CDC123: variants seen among roughly 807,000 people sequenced by gnomAD.
CDC123 encodes cell division cycle 123.
Under a neutral mutation model 54.4 loss-of-function variants are expected in CDC123, and 37 were observed. The observed-to-expected ratio is 0.68, with a 90% CI of 0.52 to 0.89. CDC123 has a LOEUF of 0.89. Ranked by LOEUF, CDC123 falls within the 40% of genes least tolerant of loss-of-function variation. The pLI is 0.00. For missense variants in CDC123, 361 were observed against 412.1 expected (o/e 0.88, Z 1.07); for synonymous variants, 144 against 136.8 (o/e 1.05, Z -0.37).
chr10:12,247,065 CCTCT>C (rs1228903614), intron 11 of CDC123: 1 of 128,948 alleles, frequency 7.8e-6, no homozygotes, highest in African/African-American at 2.9e-5. Flanking sequence ...ACTGTGTCCT[CCTCT>C]CTCTCACCTC....
rs1255500536 is a variant in CDC123, at chr10:12,221,500, TTC to T, written c.440+4034_440+4035del. On this transcript the variant is annotated intron_variant, in intron 6 of 12. Transcript: ENST00000281141. ...CATTCCTGGAGGCCTCCTGGGAGAC[TTC>T]CTCTCAGCCCTCATTGGTCACAGTT... is the stretch of plus-strand genomic sequence containing the variant. Among the ~76,000 whole-genome samples, 3 of 152,302 alleles carry T rather than the reference TTC, an allele frequency of 2.0e-5. No individual in the cohort carries two copies. In the East Asian group the frequency reaches 5.8e-4, roughly 29 times the overall value.
intron 6 of CDC123, among the ~76,000 whole-genome samples, chr10:12,224,000 T>G (rs1379048532): frequency 6.6e-6 from 1 of 152,124 alleles, no homozygotes; most frequent in Non-Finnish European, 1.5e-5. Flanking sequence ...GTGTAGTCTT[T>G]TATCCCTCGC....
intron 2 of CDC123, among the ~76,000 whole-genome samples, chr10:12,208,408 G>A (rs1835549328): frequency 6.6e-6 from 1 of 152,118 alleles, no homozygotes; most frequent in Non-Finnish European, 1.5e-5. Context: ...GACTATTTGG[G>A]GCCAATGGTG....
At chr10:12,217,306 A>C (rs1835675503) in intron 5 of CDC123, 55 bp from the exon 6 acceptor site, 26 of 1,554,558 alleles carry the variant, frequency 1.7e-5, no homozygotes, top group Non-Finnish European at 2.1e-5. Context: ...AGGCCTGAGC[A>C]TTCATAGCAG....
chr10:12,236,491 C>T (rs543444690), intron 8 of CDC123, among the ~76,000 whole-genome samples: 18 of 151,660 alleles, frequency 1.2e-4, no homozygotes, highest in Non-Finnish European at 2.1e-4. Flanking sequence ...CCCGGCTACT[C>T]GGGAGACTGA....
At chr10:12,214,639 T>A (rs1312589482) in intron 4 of CDC123, among the ~76,000 whole-genome samples, 2 of 152,226 alleles carry the variant, frequency 1.3e-5, no homozygotes, top group African/African-American at 4.8e-5. Context: ...TTTTGGGGGA[T>A]ATATGACCAT....
chr10:12,231,625 C>CAA lies in CDC123; in HGVS notation c.489+647_489+648dup, dbSNP rs368800002. On this transcript the variant is annotated intron_variant, in intron 7 of 12. Coordinates refer to ENST00000281141, the MANE Select transcript of CDC123 (RefSeq NM_006023.3). The stretch of plus-strand genomic sequence containing the variant: ...GGGCCACAAAAGTGAAACTCCGTCT[C>CAA]AAAAAAAAAAAAAAAAAAAGAATAA... Among the ~76,000 whole-genome samples the CAA allele has an allele frequency of 1.9e-3, 148 of 77,124 alleles. 1 individual carries two copies. The highest frequency in any genetic ancestry group is 0.016 in the Middle Eastern group (2 of 126). The allele number at this position is 77,124 out of a possible 152,430, so 50.6% of individuals were successfully genotyped here. A position where few individuals can be genotyped will look rare whatever the true frequency, so the allele number is the denominator to read the frequency against.
At chr10:12,244,347 G>A (rs1836099393) in intron 10 of CDC123, among the ~76,000 whole-genome samples, 1 of 152,250 alleles carries the variant, frequency 6.6e-6, no homozygotes, top group African/African-American at 2.4e-5. Context: ...AGTGAGAAAA[G>A]TGAAAAGGAG....
In CDC123 at chr10:12,250,291, C is replaced by T. The variant is rs1258319807; in HGVS notation, c.985-20C>T. 6.5e-7 allele frequency: 1 copy of T among 1,534,966 alleles called. No individual in the cohort carries two copies. The highest frequency in any genetic ancestry group is 8.9e-7 in the Non-Finnish European group (1 of 1,118,672). ...AAGGAGCATGTGCTATTTTAACATC[C>T]CCTTGGTTTTCTTTGACAGAAGAGA... On this transcript the variant is annotated intron_variant, in intron 12 of 12. Transcript: ENST00000281141.
chr10:12,231,894 G>C (rs1471837321), intron 7 of CDC123, among the ~76,000 whole-genome samples: 1 of 151,892 alleles, frequency 6.6e-6, no homozygotes, highest in Non-Finnish European at 1.5e-5. Context: ...TGCCCAGGCT[G>C]GAATGCAGTG....
chr10:12,207,245 T>G (rs1184673606), intron 2 of CDC123, among the ~76,000 whole-genome samples: 3 of 152,126 alleles, frequency 2.0e-5, no homozygotes, highest in Non-Finnish European at 2.9e-5. Context: ...TGTTCTACTT[T>G]GTAGGTAATT....
At chr10:12,215,598 C>A in intron 4 of CDC123, 142 bp from the exon 5 acceptor site, 1 of 442,858 alleles carries the variant, frequency 2.3e-6, no homozygotes, top group Non-Finnish European at 4.1e-6. Flanking sequence ...TTTTATTTAG[C>A]TGGGTTCAGA....
chr10:12,228,161 C>A (rs1034665233), intron 6 of CDC123, among the ~76,000 whole-genome samples: 2 of 151,962 alleles, frequency 1.3e-5, no homozygotes, highest in Non-Finnish European at 2.9e-5. Flanking sequence ...TCTCAAACTC[C>A]TGGCTTTAGG....
chr10:12,214,898 A>C (rs1835644024), intron 4 of CDC123, among the ~76,000 whole-genome samples: 1 of 152,142 alleles, frequency 6.6e-6, no homozygotes, highest in African/African-American at 2.4e-5. Context: ...AATGAAAATT[A>C]ATGACTGCGT....
At chr10:12,223,062 T>C (rs927216802) in intron 6 of CDC123, among the ~76,000 whole-genome samples, 1 of 149,470 alleles carries the variant, frequency 6.7e-6, no homozygotes. Context: ...TGGCTAATTT[T>C]TTTTTGTATT....
chr10:12,213,195 T>G (rs1385705402), intron 4 of CDC123, among the ~76,000 whole-genome samples: 1 of 152,212 alleles, frequency 6.6e-6, no homozygotes, highest in Non-Finnish European at 1.5e-5. Context: ...CCCAAATTAC[T>G]TACTGTTTGC....
Position 12,235,048 on chromosome 10 carries a change from C to G in CDC123, c.490C>G (p.Leu164Val). Residue 164 changes from leucine to valine, a missense_variant and splice_region_variant, in exon 8 of 13, where the codon CTC becomes GTC. Leu to Val is a conservative substitution (Grantham distance 32). Transcript: ENST00000281141. Reference sequence around the variant, plus strand: ...TAAATATTTTTTCTTTTGTTTACAGCTCGTTCTCCGAAAATGGTGTGAATT... The same window carrying G: ...TAAATATTTTTTCTTTTGTTTACAGGTCGTTCTCCGAAAATGGTGTGAATT... Reference protein sequence around the residue: ...DSPDPCIEYELVLRKWCELIP... With the variant: ...DSPDPCIEYEVVLRKWCELIP... The G allele has an allele frequency of 6.2e-7, 1 of 1,612,928 alleles. No homozygotes were observed. The highest frequency in any genetic ancestry group is 2.2e-5 in the East Asian group (1 of 44,872).
chr10:12,209,900 C>G (rs1276794974), intron 2 of CDC123, 67 bp from the exon 3 acceptor site: 1 of 1,443,646 alleles, frequency 6.9e-7, no homozygotes, highest in Non-Finnish European at 9.8e-7. Context: ...TACTCAGTAC[C>G]CCTGAAATTA....
intron 4 of CDC123, among the ~76,000 whole-genome samples, chr10:12,210,740 G>A (rs769272181): frequency 2.6e-5 from 4 of 152,006 alleles, no homozygotes; most frequent in African/African-American, 4.8e-5. Flanking sequence ...TTGCTCTGTC[G>A]CCCAGGCAGG....
Sources: allele counts gnomAD v4.1 joint callset (sites outside exome capture counted in the v4.1 genomes callset), GRCh38; gene constraint gnomAD v4.1.1; transcripts MANE v1.5; gene names NCBI Gene and HGNC (gene_info 2026-07-23, HGNC 2026-07-21).